The following FOLH1 variants were observed in gnomAD, a reference collection of about 807,000 sequenced individuals.
FOLH1 encodes glutamate carboxypeptidase 2.
FOLH1 carries 54 observed loss-of-function variants against 93.9 expected under a neutral mutation model. The ratio of observed to expected loss-of-function variants is 0.57; its 90% CI spans 0.46 to 0.72. The LOEUF (loss-of-function observed/expected upper bound fraction) is 0.72, where lower values mean the gene tolerates loss of function less well. FOLH1 is among the 30% of genes least tolerant of loss of function. FOLH1 has a pLI of 0.00. For missense variants in FOLH1, 571 were observed against 892.5 expected (o/e 0.64, Z 4.59); for synonymous variants, 249 against 303.6 (o/e 0.82, Z 1.87).
chr11:49,191,774 T>C (rs1202222135), intron 4 of FOLH1, among the ~76,000 whole-genome samples: 6 of 152,210 alleles, frequency 3.9e-5, no homozygotes, highest in Non-Finnish European at 8.8e-5. Flanking sequence ...CTCAGCTCAC[T>C]GCAAGCTCCG....
Position 49,200,257 on chromosome 11 carries a change from C to A in FOLH1, c.409G>T (p.Glu137Ter), listed in dbSNP as rs1296709511. 3 of 1,531,074 alleles carry A rather than the reference C, an allele frequency of 2.0e-6. No homozygotes were observed. The highest frequency in any genetic ancestry group is 2.6e-6 in the Non-Finnish European group (3 of 1,139,914). The allele number at this position is 1,531,074 out of a possible 1,614,324, so 94.8% of individuals were successfully genotyped here. Residue 137 changes from glutamate (E) to a stop codon, truncating the protein, a stop_gained and splice_region_variant, in exon 3 of 19, where the codon GAG becomes TAG. Coordinates refer to ENST00000256999, the MANE Select transcript of FOLH1 (RefSeq NM_004476.3). LOFTEE classifies it high-confidence loss of function. ...YISIINEDGN[E>*]IFNTSLFEPP... is the part of the protein sequence containing the mutation. ...TTATTTATTTATTTATTTTTTACCT[C>A]ATTTCCATCTTCATTAATTATTGAG...
At chr11:49,167,838 A>G (rs191953200) in intron 12 of FOLH1, among the ~76,000 whole-genome samples, 1 of 152,094 alleles carries the variant, frequency 6.6e-6, no homozygotes, top group African/African-American at 2.4e-5. Flanking sequence ...AAACAAAAAA[A>G]CAGAAGAAGA....
At chr11:49,191,907 C>A (rs1387236429) in intron 4 of FOLH1, among the ~76,000 whole-genome samples, 2 of 152,102 alleles carry the variant, frequency 1.3e-5, no homozygotes, top group East Asian at 1.9e-4. Flanking sequence ...CCCATGTTGG[C>A]CAGGCTGATC....
chr11:49,154,112 A>G (rs945268688), intron 16 of FOLH1, 116 bp downstream of exon 16: 29 of 1,461,330 alleles, frequency 2.0e-5, no homozygotes, highest in Admixed American at 6.7e-5. Context: ...ACATAAACAG[A>G]ATATTGGATC....
intron 13 of FOLH1, among the ~76,000 whole-genome samples, chr11:49,161,002 T>A (rs951008000): frequency 2.2e-4 from 34 of 152,330 alleles, no homozygotes; most frequent in Middle Eastern, 3.4e-3. Flanking sequence ...GAGACGTTTT[T>A]AATTTCATTT....
At chr11:49,207,967 C>CAAAAT in intron 1 of FOLH1, 1 of 577,566 alleles carries the variant, frequency 1.7e-6, no homozygotes, top group Non-Finnish European at 3.2e-6. Context: ...CAAAACAAAA[C>CAAAAT]AAAACAAAAG....
At chr11:49,181,235 G>A (rs760109693) in intron 7 of FOLH1, among the ~76,000 whole-genome samples, 1 of 151,614 alleles carries the variant, frequency 6.6e-6, no homozygotes, top group Non-Finnish European at 1.5e-5. Context: ...AGCCTCCTGA[G>A]TAGCTGGGAC....
At chr11:49,168,349 T>C (rs535966882) in intron 12 of FOLH1, among the ~76,000 whole-genome samples, 2 of 152,150 alleles carry the variant, frequency 1.3e-5, no homozygotes, top group South Asian at 2.1e-4. Context: ...AAGATATAGA[T>C]ATATTAGTGG....
intron 4 of FOLH1, among the ~76,000 whole-genome samples, chr11:49,192,080 T>C (rs1281269607): frequency 6.6e-6 from 1 of 152,202 alleles, no homozygotes; most frequent in Non-Finnish European, 1.5e-5. Flanking sequence ...TTTTAAAGTA[T>C]ATTTTATATT....
Position 49,161,677 on chromosome 11 carries a change from A to C in FOLH1, c.1440+3028T>G, listed in dbSNP as rs186599593. Among the ~76,000 whole-genome samples, 16 of 152,304 alleles carry C rather than the reference A, an allele frequency of 1.1e-4. No homozygotes were observed. The East Asian group carries it at 3.1e-3, about 29-fold the overall frequency. ...GATTTGATCCTGTCATCATGATGTT[A>C]GCTGGTTATTCTGCAGACTTATGTG... On this transcript the variant is annotated intron_variant, in intron 13 of 18. Transcript: ENST00000256999.
At chr11:49,150,479 T>G (rs1234095929) in intron 17 of FOLH1, among the ~76,000 whole-genome samples, 1 of 152,154 alleles carries the variant, frequency 6.6e-6, no homozygotes, top group African/African-American at 2.4e-5. Context: ...ATCTACTCAC[T>G]GAAGTAATAT....
Position 49,146,955 on chromosome 11 carries a change from A to G in FOLH1, c.2064-10T>C. The stretch of plus-strand genomic sequence containing the variant: ...AGCATAGATGACATGCCTGTTGATA[A>G]AATCGTTTGCTGTTTATTAGGTGCC... On this transcript the variant is annotated splice_polypyrimidine_tract_variant and intron_variant, in intron 18 of 18. Transcript: ENST00000256999. 6.2e-7 allele frequency: 1 copy of G among 1,605,510 alleles called. No individual in the cohort carries two copies. The highest frequency in any genetic ancestry group is 8.5e-7 in the Non-Finnish European group (1 of 1,175,424).
intron 18 of FOLH1, 22 bp from the exon 19 acceptor site, chr11:49,146,967 G>C (rs760640505): frequency 6.3e-7 from 1 of 1,598,256 alleles, no homozygotes; most frequent in Admixed American, 1.7e-5. Context: ...ATCGTTTGCT[G>C]TTTATTAGGT....
intron 4 of FOLH1, among the ~76,000 whole-genome samples, chr11:49,188,478 A>T (rs1590636092): frequency 6.8e-6 from 1 of 147,618 alleles, no homozygotes; most frequent in South Asian, 2.1e-4. Flanking sequence ...ATACCACTGC[A>T]CTCCAGCCCG....
intron 18 of FOLH1, 81 bp downstream of exon 18, chr11:49,148,557 TA>T: frequency 9.4e-7 from 1 of 1,064,660 alleles, no homozygotes. Flanking sequence ...TCAACTACAA[TA>T]TTTTTTCCAC....
At chr11:49,195,952 G>A (rs1398808856) in intron 3 of FOLH1, among the ~76,000 whole-genome samples, 1 of 152,140 alleles carries the variant, frequency 6.6e-6, no homozygotes, top group Non-Finnish European at 1.5e-5. Context: ...TCAGGAGTTC[G>A]AGATCAGCCT....
At chr11:49,162,427 C>T (rs1481898200) in intron 13 of FOLH1, among the ~76,000 whole-genome samples, 1 of 152,130 alleles carries the variant, frequency 6.6e-6, no homozygotes, top group African/African-American at 2.4e-5. Context: ...CTTGTGACAG[C>T]ATTTGTAGTA....
At chr11:49,168,835 C>G (rs1421254274) in intron 12 of FOLH1, among the ~76,000 whole-genome samples, 1 of 152,002 alleles carries the variant, frequency 6.6e-6, no homozygotes, top group Non-Finnish European at 1.5e-5. Flanking sequence ...GTTAATCATT[C>G]AACAGATACT....
intron 3 of FOLH1, 129 bp downstream of exon 3, chr11:49,200,126 A>G: frequency 1.1e-6 from 1 of 917,612 alleles, no homozygotes; most frequent in East Asian, 2.8e-5. Context: ...TATTAAAGGT[A>G]TTCACAAGAT....
Sources: gnomAD v4.1 joint callset for allele counts (sites outside exome capture counted in the v4.1 genomes callset) on GRCh38, gnomAD v4.1.1 for gene constraint, MANE v1.5 for transcripts, NCBI Gene and HGNC (gene_info 2026-07-23, HGNC 2026-07-21) for gene names.